LOC400499: variants seen among roughly 807,000 people sequenced by gnomAD.
the LOC400499 span, among the ~76,000 whole-genome samples, chr16:11,437,774 C>G: frequency 1.3e-5 from 2 of 151,952 alleles, no homozygotes; most frequent in African/African-American, 4.8e-5. Flanking sequence ...GAGGCGGAGG[C>G]ACAAGAATCG....
the LOC400499 span, among the ~76,000 whole-genome samples, chr16:11,421,803 G>A: frequency 6.6e-6 from 1 of 152,196 alleles, no homozygotes; most frequent in Non-Finnish European, 1.5e-5. Flanking sequence ...CTAATGTACT[G>A]ATGGGTATGG....
At chr16:11,398,982 G>A in the LOC400499 span, among the ~76,000 whole-genome samples, 30 of 152,192 alleles carry the variant, frequency 2.0e-4, no homozygotes, top group East Asian at 7.7e-4. Context: ...AGGGGGCCAT[G>A]CCTAAGAGCC....
At chr16:11,490,042 G>A in the LOC400499 span, among the ~76,000 whole-genome samples, 1 of 152,156 alleles carries the variant, frequency 6.6e-6, no homozygotes. Flanking sequence ...CACAGCCACA[G>A]ATCAGAGTCC....
At chr16:11,379,037 G>C in the LOC400499 span, among the ~76,000 whole-genome samples, 1 of 152,316 alleles carries the variant, frequency 6.6e-6, no homozygotes, top group Non-Finnish European at 1.5e-5. Flanking sequence ...GCCAAGATGG[G>C]TGGATCACCT....
At chr16:11,393,703 C>T in the LOC400499 span, 111 of 586,746 alleles carry the variant, frequency 1.9e-4, no homozygotes, top group Non-Finnish European at 2.1e-4. Context: ...ACAATGCCCA[C>T]GCCCGATCTC....
chr16:11,482,142 T>A, the LOC400499 span, among the ~76,000 whole-genome samples: 1 of 151,986 alleles, frequency 6.6e-6, no homozygotes, highest in Non-Finnish European at 1.5e-5. Flanking sequence ...TCAACAATGG[T>A]TCCCAAGACA....
At chr16:11,384,788 C>T in the LOC400499 span, 3 of 1,067,480 alleles carry the variant, frequency 2.8e-6, no homozygotes, top group Non-Finnish European at 3.6e-6. Context: ...GGCAGAGGCT[C>T]TGCATGCACG....
the LOC400499 span, chr16:11,471,513 G>A: frequency 4.9e-3 from 1,933 of 397,858 alleles, 14 homozygotes; most frequent in Non-Finnish European, 6.8e-3. Flanking sequence ...ATGTGCAAAC[G>A]TCCAGAAGAA....
chr16:11,482,243 G>A, the LOC400499 span, among the ~76,000 whole-genome samples: 45,014 of 152,022 alleles, frequency 0.3, 7,131 homozygotes, highest in Admixed American at 0.42. Context: ...TGTCCAGGCT[G>A]TGGTGCAAGG....
the LOC400499 span, among the ~76,000 whole-genome samples, chr16:11,419,214 AGT>A: frequency 1.3e-5 from 2 of 152,126 alleles, no homozygotes; most frequent in African/African-American, 4.8e-5. Flanking sequence ...ACAAGGCTAC[AGT>A]AACCAAAACA....
the LOC400499 span, chr16:11,494,786 C>T: frequency 4.3e-5 from 17 of 398,912 alleles, no homozygotes; most frequent in East Asian, 5.7e-4. Flanking sequence ...GGCCCCCACC[C>T]GAGGTGGTGG....
At chr16:11,488,588 A>G in the LOC400499 span, 6 of 389,480 alleles carry the variant, frequency 1.5e-5, no homozygotes, top group Non-Finnish European at 2.3e-5. Flanking sequence ...CCCAACTGAC[A>G]TGTAAATATT....
chr16:11,386,363 C>G, the LOC400499 span, among the ~76,000 whole-genome samples: 4 of 152,248 alleles, frequency 2.6e-5, no homozygotes, highest in African/African-American at 9.6e-5. Context: ...CCGTGGGCAG[C>G]TGTCAGAACT....
chr16:11,388,867 G>A, the LOC400499 span, among the ~76,000 whole-genome samples: 7 of 151,994 alleles, frequency 4.6e-5, no homozygotes, highest in Non-Finnish European at 8.8e-5. Flanking sequence ...AGGCCAAGTT[G>A]CTTGAGCTCA....
At chr16:11,449,903 C>A in the LOC400499 span, among the ~76,000 whole-genome samples, 1 of 152,260 alleles carries the variant, frequency 6.6e-6, no homozygotes, top group African/African-American at 2.4e-5. Context: ...GCCACCACCC[C>A]GGGCCAGGCC....
At chr16:11,507,366 C>G in the LOC400499 span, among the ~76,000 whole-genome samples, 1 of 127,534 alleles carries the variant, frequency 7.8e-6, no homozygotes, top group East Asian at 2.0e-4. Context: ...CAGCCTCCCC[C>G]ACACACTCCA....
the LOC400499 span, among the ~76,000 whole-genome samples, chr16:11,388,756 C>T: frequency 1.1e-3 from 169 of 152,332 alleles, 3 homozygotes; most frequent in Middle Eastern, 0.014. Context: ...CAGTCACATC[C>T]ACTCTCCCTT....
the LOC400499 span, among the ~76,000 whole-genome samples, chr16:11,503,688 C>T: frequency 1.3e-5 from 2 of 152,216 alleles, no homozygotes; most frequent in Non-Finnish European, 2.9e-5. Flanking sequence ...GTCACTCGGC[C>T]CACCTGCCAA....
At chr16:11,493,569 G>A in the LOC400499 span, 6 of 394,326 alleles carry the variant, frequency 1.5e-5, no homozygotes, top group African/African-American at 1.0e-4. Context: ...AACTGAATAA[G>A]TGAATTAGCA....
Sources: gnomAD v4.1 joint callset for allele counts (sites outside exome capture counted in the v4.1 genomes callset) on GRCh38, gnomAD v4.1.1 for gene constraint, MANE v1.5 for transcripts.